Variants in COL24A1 observed in about 807,000 individuals in gnomAD.
COL24A1 encodes collagen type XXIV alpha 1 chain, also known as collagen alpha-1(XXIV) chain.
In COL24A1, 224 loss-of-function variants were observed where a neutral mutation model predicts 253.9. The ratio of observed to expected loss-of-function variants is 0.88; its 90% CI spans 0.79 to 0.99. COL24A1 has a LOEUF of 0.99. COL24A1 is among the 50% of genes least tolerant of loss of function. The pLI, the probability that COL24A1 is intolerant of heterozygous loss-of-function variation, is 0.00. For missense variants in COL24A1, 2,131 were observed against 2,068.5 expected (o/e 1.03, Z -0.59); for synonymous variants, 685 against 673.7 (o/e 1.02, Z -0.26).
intron 25 of COL24A1, among the ~76,000 whole-genome samples, chr1:85,911,035 A>C (rs1685311101): frequency 6.6e-6 from 1 of 151,868 alleles, no homozygotes; most frequent in Non-Finnish European, 1.5e-5. Context: ...GAAAGGTAAA[A>C]TGGTAACTTA....
intron 32 of COL24A1, among the ~76,000 whole-genome samples, chr1:85,879,835 T>C (rs1357179143): frequency 2.0e-5 from 3 of 152,012 alleles, no homozygotes; most frequent in African/African-American, 7.3e-5. Flanking sequence ...TGAAAGAAAA[T>C]CCACAAATAA....
chr1:85,936,472 TAGG>T (rs1471551173), intron 24 of COL24A1, among the ~76,000 whole-genome samples: 2 of 147,370 alleles, frequency 1.4e-5, no homozygotes, highest in Non-Finnish European at 3.0e-5. Flanking sequence ...TATGTACTGG[TAGG>T]AGAAGGGGGC....
chr1:85,992,257 A>C (rs570453559), intron 19 of COL24A1, among the ~76,000 whole-genome samples: 92 of 152,238 alleles, frequency 6.0e-4, no homozygotes, highest in African/African-American at 2.1e-3. Context: ...TGAACTCATC[A>C]TTTTTTATGG....
intron 1 of COL24A1, among the ~76,000 whole-genome samples, chr1:86,148,106 A>G (rs980677918): frequency 1.3e-5 from 2 of 152,222 alleles, no homozygotes; most frequent in Non-Finnish European, 2.9e-5. Flanking sequence ...AAGAGATGAT[A>G]TAAAGTCCTC....
Position 85,778,117 on chromosome 1 carries a change from T to C in COL24A1, c.4339-2408A>G, listed in dbSNP as rs547135205. 3.7e-4 allele frequency among the ~76,000 whole-genome samples: 56 copies of C among 152,192 alleles called. No homozygotes were observed. The South Asian group carries it at 0.011, about 31-fold the overall frequency. ...GTATCCATAGCAACAGATAGGTAGATAATTTTTTATTTTTAAATTTTTTTT... is the reference window on the plus strand; with the variant it reads ...GTATCCATAGCAACAGATAGGTAGACAATTTTTTATTTTTAAATTTTTTTT... On this transcript the variant is annotated intron_variant, in intron 52 of 59. Transcript: ENST00000370571.
At chr1:85,737,232 A>G (rs79033646) in intron 58 of COL24A1, among the ~76,000 whole-genome samples, 164 bp downstream of exon 58, 10,389 of 152,342 alleles carry the variant, frequency 0.068, 422 homozygotes, top group Middle Eastern at 0.088. Context: ...ACTGTGATTA[A>G]CTAGTTTTAA....
chr1:85,834,728 C>A (rs1570836454), intron 43 of COL24A1, among the ~76,000 whole-genome samples: 1 of 152,124 alleles, frequency 6.6e-6, no homozygotes, highest in South Asian at 2.1e-4. Context: ...TCCATTTATA[C>A]CTTTAAATAA....
At chr1:85,984,616 G>A (rs1693551566) in intron 20 of COL24A1, among the ~76,000 whole-genome samples, 1 of 151,780 alleles carries the variant, frequency 6.6e-6, no homozygotes, top group African/African-American at 2.4e-5. Flanking sequence ...CAGGTGAAGG[G>A]CTAAAGTTGG....
chr1:85,995,397 T>C (rs1156362278), intron 19 of COL24A1, among the ~76,000 whole-genome samples: 1 of 152,170 alleles, frequency 6.6e-6, no homozygotes, highest in Non-Finnish European at 1.5e-5. Flanking sequence ...ATTCACAGTG[T>C]TTTTAACATC....
chr1:85,999,711 A>G (rs184208318), intron 19 of COL24A1, among the ~76,000 whole-genome samples: 92 of 152,324 alleles, frequency 6.0e-4, no homozygotes, highest in African/African-American at 2.1e-3. Flanking sequence ...AGAAGACTCT[A>G]TCTCCTTGTA....
chr1:85,939,494 A>G (rs1314683957), intron 24 of COL24A1, among the ~76,000 whole-genome samples: 1 of 152,158 alleles, frequency 6.6e-6, no homozygotes. Context: ...AGAAAATAGC[A>G]TTTGGTATGT....
At chr1:85,769,163 T>C (rs971498330) in intron 53 of COL24A1, among the ~76,000 whole-genome samples, 4 of 152,186 alleles carry the variant, frequency 2.6e-5, no homozygotes, top group Non-Finnish European at 5.9e-5. Context: ...CAATAATTCA[T>C]TAAATATTTA....
At chr1:86,012,937 T>C (rs1244254391) in intron 19 of COL24A1, among the ~76,000 whole-genome samples, 1 of 148,386 alleles carries the variant, frequency 6.7e-6, no homozygotes, top group Non-Finnish European at 1.5e-5. Flanking sequence ...CTAGACAATG[T>C]GTCCTGTCTT....
At chr1:85,920,157 G>A (rs115216155) in intron 24 of COL24A1, among the ~76,000 whole-genome samples, 1,908 of 152,200 alleles carry the variant, frequency 0.013, 50 homozygotes, top group African/African-American at 0.043. Flanking sequence ...TAAGGTAAAC[G>A]TATATTTTCT....
At chr1:85,915,854 A>C (rs1571204805) in intron 24 of COL24A1, among the ~76,000 whole-genome samples, 1 of 152,136 alleles carries the variant, frequency 6.6e-6, no homozygotes, top group Non-Finnish European at 1.5e-5. Flanking sequence ...GGGTTTCACC[A>C]TGTTGGCCAG....
chr1:85,818,510 A>T (rs1406096844), intron 45 of COL24A1, among the ~76,000 whole-genome samples: 1 of 152,220 alleles, frequency 6.6e-6, no homozygotes, highest in Non-Finnish European at 1.5e-5. Flanking sequence ...CTTACAAGGC[A>T]CTTACAGTGT....
chr1:86,009,410 A>G (rs1696295633), intron 19 of COL24A1, among the ~76,000 whole-genome samples: 1 of 152,160 alleles, frequency 6.6e-6, no homozygotes, highest in African/African-American at 2.4e-5. Context: ...CATAGAGTAT[A>G]CTTCCACAGA....
intron 39 of COL24A1, among the ~76,000 whole-genome samples, chr1:85,847,217 C>T (rs1358631275): frequency 6.6e-6 from 1 of 152,124 alleles, no homozygotes; most frequent in Non-Finnish European, 1.5e-5. Context: ...TTAGATTTAT[C>T]ACAATTGGTT....
At chr1:85,746,922 T>C (rs1665283256) in intron 55 of COL24A1, among the ~76,000 whole-genome samples, 1 of 152,118 alleles carries the variant, frequency 6.6e-6, no homozygotes, top group African/African-American at 2.4e-5. Context: ...AATTAAGGGC[T>C]AAACCATAGC....
Sources: allele counts gnomAD v4.1 joint callset (sites outside exome capture counted in the v4.1 genomes callset), GRCh38; gene constraint gnomAD v4.1.1; transcripts MANE v1.5; gene names NCBI Gene and HGNC (gene_info 2026-07-23, HGNC 2026-07-21).